Variants in CDKAL1 observed in about 807,000 individuals in gnomAD.
CDKAL1 encodes CDKAL1 threonylcarbamoyladenosine tRNA methylthiotransferase.
A neutral mutation model predicts 68.2 loss-of-function variants in CDKAL1; 32 were observed. The ratio of observed to expected loss-of-function variants is 0.47; its 90% CI spans 0.35 to 0.63. The LOEUF is 0.63. CDKAL1 is among the 30% of genes least tolerant of loss of function. The pLI is 0.00. For missense variants in CDKAL1, 606 were observed against 696.7 expected (o/e 0.87, Z 1.47); for synonymous variants, 234 against 244.3 (o/e 0.96, Z 0.39).
intron 5 of CDKAL1, among the ~76,000 whole-genome samples, chr6:20,738,180 AG>A (rs982533478): frequency 1.3e-5 from 2 of 152,176 alleles, no homozygotes; most frequent in African/African-American, 2.4e-5. Flanking sequence ...CAGTGCCCAA[AG>A]ACTCAGCAAT....
chr6:21,071,483 T>C (rs1433567896), intron 12 of CDKAL1, among the ~76,000 whole-genome samples: 1 of 152,238 alleles, frequency 6.6e-6, no homozygotes, highest in Non-Finnish European at 1.5e-5. Flanking sequence ...CAGGCATTTC[T>C]TTATAGCAGT....
At chr6:20,991,236 G>A (rs978884507) in intron 10 of CDKAL1, among the ~76,000 whole-genome samples, 1 of 152,210 alleles carries the variant, frequency 6.6e-6, no homozygotes, top group African/African-American at 2.4e-5. Context: ...AATTCATGGA[G>A]ACAGTAGAAT....
intron 8 of CDKAL1, among the ~76,000 whole-genome samples, chr6:20,793,204 T>C (rs931820927): frequency 2.6e-5 from 4 of 152,180 alleles, no homozygotes; most frequent in Non-Finnish European, 4.4e-5. Context: ...CCAAAAAAGA[T>C]TGCAATTGTT....
At chr6:20,574,345 T>C (rs1335721466) in intron 4 of CDKAL1, among the ~76,000 whole-genome samples, 1 of 152,166 alleles carries the variant, frequency 6.6e-6, no homozygotes. Context: ...GATGTAATCC[T>C]AGCTCAGATG....
chr6:21,009,521 G>T (rs773514042), intron 11 of CDKAL1, among the ~76,000 whole-genome samples: 2 of 152,154 alleles, frequency 1.3e-5, no homozygotes, highest in African/African-American at 2.4e-5. Context: ...CCAAAGGAAA[G>T]GAAATCAGTA....
At chr6:20,850,312 G>A (rs191425390) in intron 9 of CDKAL1, among the ~76,000 whole-genome samples, 36 of 151,998 alleles carry the variant, frequency 2.4e-4, no homozygotes, top group African/African-American at 7.5e-4. Context: ...AATGGCTCCT[G>A]TATGTCAGAA....
chr6:20,760,481 G>T (rs906653088), intron 7 of CDKAL1, among the ~76,000 whole-genome samples: 8 of 152,154 alleles, frequency 5.3e-5, no homozygotes, highest in Admixed American at 5.2e-4. Context: ...CTTCATAATA[G>T]TACTGTGAAG....
At chr6:20,773,417 A>G (rs1240242171) in intron 7 of CDKAL1, among the ~76,000 whole-genome samples, 1 of 152,254 alleles carries the variant, frequency 6.6e-6, no homozygotes, top group Non-Finnish European at 1.5e-5. Flanking sequence ...AGTGGTAACT[A>G]TGGACATTTT....
In CDKAL1 at chr6:21,184,487, C is replaced by T. The variant is rs184557610; in HGVS notation, c.1300-13534C>T. Among the ~76,000 whole-genome samples the T allele has an allele frequency of 4.8e-3, 734 of 152,106 alleles. 3 individuals carry two copies. The highest frequency in any genetic ancestry group is 0.015 in the African/African-American group (622 of 41,498). On this transcript the variant is annotated intron_variant, in intron 13 of 15. Transcript: ENST00000274695. ...CTGGGATTACAGGCGTGAGCCACCACGCAGAAACCAGCTCTTACATGCTGA... is the reference window on the plus strand; with the variant it reads ...CTGGGATTACAGGCGTGAGCCACCATGCAGAAACCAGCTCTTACATGCTGA...
intron 13 of CDKAL1, among the ~76,000 whole-genome samples, chr6:21,180,697 ATCTTGTATG>A (rs1777755017): frequency 6.6e-6 from 1 of 152,022 alleles, no homozygotes; most frequent in Non-Finnish European, 1.5e-5. Context: ...ATTTTTATTC[ATCTTGTATG>A]TCTGCTAAAA....
chr6:21,106,795 G>A (rs1430141860), intron 12 of CDKAL1, among the ~76,000 whole-genome samples: 1 of 152,154 alleles, frequency 6.6e-6, no homozygotes, highest in Non-Finnish European at 1.5e-5. Flanking sequence ...AGTACTAAGG[G>A]ACAGCTGTAC....
At chr6:20,548,212 T>C (rs2127654925) in intron 3 of CDKAL1, among the ~76,000 whole-genome samples, 1 of 152,290 alleles carries the variant, frequency 6.6e-6, no homozygotes, top group East Asian at 1.9e-4. Context: ...TATCTTAAAA[T>C]CATCTAGTGG....
intron 4 of CDKAL1, among the ~76,000 whole-genome samples, chr6:20,585,967 A>G (rs548354777): frequency 6.6e-6 from 1 of 152,126 alleles, no homozygotes; most frequent in South Asian, 2.1e-4. Flanking sequence ...TCCCCCACAA[A>G]TCTGTTGCTC....
At chr6:20,571,352 T>G (rs1561933942) in intron 4 of CDKAL1, among the ~76,000 whole-genome samples, 1 of 151,988 alleles carries the variant, frequency 6.6e-6, no homozygotes, top group African/African-American at 2.4e-5. Flanking sequence ...TGTTGTGTTA[T>G]GTATTCAGCA....
chr6:21,188,113 G>A (rs184430116), intron 13 of CDKAL1, among the ~76,000 whole-genome samples: 4 of 152,052 alleles, frequency 2.6e-5, no homozygotes. Context: ...TTTTGTAAAG[G>A]CTCTTCATAT....
chr6:21,017,043 T>C (rs943382094), intron 11 of CDKAL1, among the ~76,000 whole-genome samples: 4 of 152,350 alleles, frequency 2.6e-5, no homozygotes, highest in Admixed American at 6.5e-5. Context: ...ACAACAGTTA[T>C]ACCATTACCA....
At chr6:21,188,165 G>A (rs1012936438) in intron 13 of CDKAL1, among the ~76,000 whole-genome samples, 2 of 151,838 alleles carry the variant, frequency 1.3e-5, no homozygotes, top group Admixed American at 6.6e-5. Context: ...TGTCATACTT[G>A]CAATTTTTTT....
intron 4 of CDKAL1, among the ~76,000 whole-genome samples, chr6:20,591,328 CT>C (rs1765583576): frequency 6.6e-6 from 1 of 152,096 alleles, no homozygotes; most frequent in Non-Finnish European, 1.5e-5. Flanking sequence ...ATGATAGTTT[CT>C]TTTGCTGTGC....
At chr6:20,749,494 G>A (rs1773819761) in intron 6 of CDKAL1, among the ~76,000 whole-genome samples, 1 of 151,916 alleles carries the variant, frequency 6.6e-6, no homozygotes, top group African/African-American at 2.4e-5. Context: ...CTGGACTGCT[G>A]TAGAAAAATT....
Sources: allele counts gnomAD v4.1 joint callset (sites outside exome capture counted in the v4.1 genomes callset), GRCh38; gene constraint gnomAD v4.1.1; transcripts MANE v1.5; gene names NCBI Gene and HGNC (gene_info 2026-07-23, HGNC 2026-07-21).